Variants in PDE1C observed in about 807,000 individuals in gnomAD.
The protein encoded by PDE1C is phosphodiesterase 1C, also known as dual specificity calcium/calmodulin-dependent 3',5'-cyclic nucleotide phosphodiesterase 1C.
A neutral mutation model predicts 93.1 loss-of-function variants in PDE1C; 62 were observed. That is an observed-to-expected ratio of 0.67 (90% CI 0.54 to 0.82). The LOEUF (loss-of-function observed/expected upper bound fraction) is 0.82, where lower values mean the gene tolerates loss of function less well. Among genes scored for constraint, PDE1C ranks in the 40% least tolerant of loss-of-function variants. The pLI is 0.00. For missense variants in PDE1C, 742 were observed against 884.6 expected (o/e 0.84, Z 2.04); for synonymous variants, 325 against 310.1 (o/e 1.05, Z -0.50).
At chr7:31,625,275 A>G in the PDE1C span, among the ~76,000 whole-genome samples, 5 of 88,332 alleles carry the variant, frequency 5.7e-5, no homozygotes, top group Admixed American at 2.5e-4. Flanking sequence ...ATTACTGGGT[A>G]TATACCCAAA....
the PDE1C span, chr7:31,643,595 C>A: frequency 6.2e-7 from 1 of 1,614,022 alleles, no homozygotes; most frequent in Non-Finnish European, 8.5e-7. Context: ...GTGTGTGATC[C>A]TGTTACCGCA....
At position 32,341,173 on chromosome 7, in the gene PDE1C, C is replaced by CTTTTTTTT. The variant is rs3079623; in HGVS notation, c.310+86641_310+86648dup. Reference sequence around the variant, plus strand: ...CCTAAAACTACTCTAGAAATAAAGTCTTTTTTTTTTTTTTTTTTTTGAGAC... The same window carrying CTTTTTTTT: ...CCTAAAACTACTCTAGAAATAAAGTCTTTTTTTTTTTTTTTTTTTTTTTTTTTTGAGAC... On this transcript the variant is annotated intron_variant, in intron 1 of 1. Coordinates refer to the PDE1C transcript ENST00000672256. Among the ~76,000 whole-genome samples the CTTTTTTTT allele has an allele frequency of 5.2e-3, 443 of 84,928 alleles. 20 individuals are homozygous for CTTTTTTTT. The highest frequency in any genetic ancestry group is 0.023 in the Middle Eastern group (2 of 86). 55.7% of individuals were successfully genotyped at this position (84,928 alleles called of 152,430 possible).
At chr7:32,185,324 A>T (rs965302695) in intron 2 of PDE1C, among the ~76,000 whole-genome samples, 3 of 151,280 alleles carry the variant, frequency 2.0e-5, no homozygotes, top group African/African-American at 7.3e-5. Context: ...TGGTCACGTT[A>T]TATTGTTACT....
At chr7:32,191,226 T>G in intron 2 of PDE1C, among the ~76,000 whole-genome samples, 1 of 152,216 alleles carries the variant, frequency 6.6e-6, no homozygotes. Flanking sequence ...GGAGATTCCC[T>G]GAACTGTTTA....
At chr7:32,051,669 G>A (rs1235376398) in intron 1 of PDE1C, 89 bp from the exon 2 acceptor site, 13 of 1,031,676 alleles carry the variant, frequency 1.3e-5, no homozygotes, top group Non-Finnish European at 2.0e-5. Flanking sequence ...ATGGGCATGG[G>A]GGTCAACACT....
intron 1 of PDE1C, among the ~76,000 whole-genome samples, chr7:32,412,699 T>C (rs1249870501): frequency 0.022 from 2 of 92 alleles, no homozygotes; most frequent in Non-Finnish European, 0.042. Context: ...CAGTCCATCA[T>C]TGCCCGAAAT....
chr7:32,003,375 C>T (rs1165035681), intron 2 of PDE1C, among the ~76,000 whole-genome samples: 1 of 152,206 alleles, frequency 6.6e-6, no homozygotes, highest in East Asian at 1.9e-4. Flanking sequence ...TTGTGAGCTC[C>T]AAGAGTGCAT....
chr7:32,076,121 A>C (rs1048878916), upstream of PDE1C, among the ~76,000 whole-genome samples: 9 of 152,262 alleles, frequency 5.9e-5, no homozygotes, highest in Non-Finnish European at 8.8e-5. Context: ...TAATAGACAT[A>C]ACCTAGATTG....
rs534127436 is a variant in PDE1C, at chr7:32,185,920, A to G, written c.137-15964T>C. 5.3e-5 allele frequency among the ~76,000 whole-genome samples: 8 copies of G among 152,336 alleles called. No individual in the cohort carries two copies. The South Asian group carries it at 1.7e-3, about 32-fold the overall frequency. On this transcript the variant is annotated intron_variant, in intron 2 of 18. Coordinates refer to the PDE1C transcript ENST00000396193. ...ACAGCAAGTTTCACTGGACCGTGCTAGTCTAGAGATTTGTTAATTTCATTG... is the reference window on the plus strand; with the variant it reads ...ACAGCAAGTTTCACTGGACCGTGCTGGTCTAGAGATTTGTTAATTTCATTG...
At chr7:32,404,486 T>C (rs995148432) in intron 1 of PDE1C, among the ~76,000 whole-genome samples, 18 of 36,696 alleles carry the variant, frequency 4.9e-4, no homozygotes, top group Non-Finnish European at 4.4e-3. Context: ...CCTGGGTAGC[T>C]GGGACCACAG....
At chr7:32,206,408 A>G (rs528552758) in intron 2 of PDE1C, among the ~76,000 whole-genome samples, 1 of 152,268 alleles carries the variant, frequency 6.6e-6, no homozygotes, top group Non-Finnish European at 1.5e-5. Flanking sequence ...CGACAGTTGC[A>G]TAAAACAGAC....
chr7:32,050,909 T>C (rs1793262472), intron 2 of PDE1C, among the ~76,000 whole-genome samples: 1 of 152,190 alleles, frequency 6.6e-6, no homozygotes, highest in African/African-American at 2.4e-5. Flanking sequence ...TTTTGAACTA[T>C]AAATACAGAA....
intron 1 of PDE1C, among the ~76,000 whole-genome samples, chr7:32,378,344 A>G (rs1280056570): frequency 6.6e-6 from 1 of 152,190 alleles, no homozygotes; most frequent in Non-Finnish European, 1.5e-5. Context: ...GGAGATATCT[A>G]GCCAACCCCC....
intron 1 of PDE1C, among the ~76,000 whole-genome samples, chr7:32,210,734 TG>T (rs1805962234): frequency 6.6e-6 from 1 of 152,224 alleles, no homozygotes; most frequent in Admixed American, 6.5e-5. Context: ...ATTACTAATT[TG>T]GGCAATTTTT....
rs574480254 is a variant in PDE1C at position 32,230,210 on chromosome 7, G to A, written c.86-20671C>T. ...CACAAGCCTTCCTGGCTCCCATGGA[G>A]CGTCTGAAAACCATAGTGATGGCCC... On this transcript the variant is annotated intron_variant, in intron 1 of 18. Transcript: ENST00000396193. Among the ~76,000 whole-genome samples, 58 of 152,286 alleles carry A rather than the reference G, an allele frequency of 3.8e-4. 2 individuals are homozygous for A. In the South Asian group the frequency reaches 0.012, roughly 30 times the overall value.
At chr7:32,306,167 A>G (rs994315786) in intron 1 of PDE1C, among the ~76,000 whole-genome samples, 2 of 152,182 alleles carry the variant, frequency 1.3e-5, no homozygotes, top group Admixed American at 1.3e-4. Flanking sequence ...CTCCCCAGCC[A>G]TGTGGAAATG....
chr7:31,652,893 A>G, the PDE1C span: 1 of 1,553,856 alleles, frequency 6.4e-7, no homozygotes, highest in Non-Finnish European at 8.7e-7. Flanking sequence ...TAGCAAGGAA[A>G]TTTCAATTTT....
At chr7:31,643,097 T>C in the PDE1C span, 3 of 1,613,742 alleles carry the variant, frequency 1.9e-6, no homozygotes, top group Non-Finnish European at 2.5e-6. Flanking sequence ...GTCACAGAAA[T>C]GCAGGACAGT....
chr7:32,138,889 T>G lies in PDE1C; in HGVS notation c.308+30896A>C, dbSNP rs199560612. Among the ~76,000 whole-genome samples the G allele has an allele frequency of 4.6e-5, 7 of 152,306 alleles. No individual in the cohort carries two copies. In the East Asian group the frequency reaches 9.6e-4, roughly 21 times the overall value. ...CCTGAGTCTCTCACTTCCTCAGAAT[T>G]TTTTAATTTGAAAGGTTTAGAGAAA... On this transcript the variant is annotated intron_variant, in intron 3 of 18. Transcript: ENST00000396193.
Sources: gnomAD v4.1 joint callset for allele counts (sites outside exome capture counted in the v4.1 genomes callset) on GRCh38, gnomAD v4.1.1 for gene constraint, MANE v1.5 for transcripts, NCBI Gene and HGNC (gene_info 2026-07-23, HGNC 2026-07-21) for gene names.